The following ZFYVE28 variants were observed in gnomAD, a reference collection of about 807,000 sequenced individuals.
The protein encoded by ZFYVE28 is lateral signaling target protein 2 homolog.
Under a neutral mutation model 82.1 loss-of-function variants are expected in ZFYVE28, and 40 were observed. The ratio of observed to expected loss-of-function variants is 0.49; its 90% CI spans 0.38 to 0.63. ZFYVE28 has a LOEUF of 0.63. Ranked by LOEUF, ZFYVE28 falls within the 30% of genes least tolerant of loss-of-function variation. The pLI, the probability that ZFYVE28 is intolerant of heterozygous loss-of-function variation, is 0.00. For missense variants in ZFYVE28, 1,321 were observed against 1,242.1 expected, an observed-to-expected ratio of 1.06 and a Z score of -0.96; for synonymous variants, 612 against 546.1, an observed-to-expected ratio of 1.12 and a Z score of -1.68.
chr4:2,336,565 C>G lies in ZFYVE28; in HGVS notation c.612-771G>C, dbSNP rs991975141. Among the ~76,000 whole-genome samples, 13 of 152,040 alleles carry G rather than the reference C, an allele frequency of 8.6e-5. 1 individual carries two copies. Among genetic ancestry groups the G allele is most frequent in the African/African-American group, 2.4e-4 (10 of 41,370 alleles). On this transcript the variant is annotated intron_variant, in intron 5 of 12. Transcript: ENST00000290974. ...AGAATATTGATGGCTTCCCCCTGCC[C>G]CCCCCACTCCCTAAAAAAGAAACAC... is the stretch of plus-strand genomic sequence containing the variant.
At chr4:2,367,796 C>G (rs1234127944) in intron 1 of ZFYVE28, among the ~76,000 whole-genome samples, 1 of 152,178 alleles carries the variant, frequency 6.6e-6, no homozygotes, top group East Asian at 1.9e-4. Flanking sequence ...CCTCACCAGC[C>G]CAGGCAGGTG....
chr4:2,411,724 T>C (rs538194237), intron 1 of ZFYVE28, among the ~76,000 whole-genome samples: 3 of 152,154 alleles, frequency 2.0e-5, no homozygotes, highest in Non-Finnish European at 4.4e-5. Flanking sequence ...TGCATCAGCA[T>C]AGTTTAAACG....
chr4:2,291,071 G>A (rs1713596907), intron 8 of ZFYVE28, among the ~76,000 whole-genome samples: 1 of 152,254 alleles, frequency 6.6e-6, no homozygotes, highest in Non-Finnish European at 1.5e-5. Flanking sequence ...AGCGGGAGGA[G>A]CTCCTGTCGC....
At chr4:2,289,103 C>A (rs1418161179) in intron 8 of ZFYVE28, among the ~76,000 whole-genome samples, 1 of 152,198 alleles carries the variant, frequency 6.6e-6, no homozygotes, top group East Asian at 1.9e-4. Context: ...GCCAACATGG[C>A]AAAACCTAGT....
chr4:2,317,667 C>T (rs894350905), intron 7 of ZFYVE28, among the ~76,000 whole-genome samples: 2 of 152,080 alleles, frequency 1.3e-5, no homozygotes, highest in African/African-American at 4.8e-5. Flanking sequence ...GAGTCTTGCT[C>T]TGTCGCCCAG....
intron 1 of ZFYVE28, among the ~76,000 whole-genome samples, chr4:2,397,018 C>T (rs1730549917): frequency 6.6e-6 from 1 of 152,220 alleles, no homozygotes; most frequent in African/African-American, 2.4e-5. Flanking sequence ...AGGACTCCGG[C>T]TCAGGGGCGA....
chr4:2,337,877 T>C (rs866283713), intron 4 of ZFYVE28, among the ~76,000 whole-genome samples: 4 of 150,974 alleles, frequency 2.6e-5, no homozygotes, highest in Non-Finnish European at 5.9e-5. Flanking sequence ...TCTCTTAAAA[T>C]ACACACACAC....
intron 1 of ZFYVE28, among the ~76,000 whole-genome samples, chr4:2,382,020 T>C (rs1234123765): frequency 1.3e-5 from 2 of 152,150 alleles, no homozygotes; most frequent in Non-Finnish European, 2.9e-5. Flanking sequence ...CTTCAGAGGG[T>C]GCAAGCCCCA....
chr4:2,384,747 A>G (rs1271130310), intron 1 of ZFYVE28, among the ~76,000 whole-genome samples: 1 of 152,218 alleles, frequency 6.6e-6, no homozygotes, highest in East Asian at 1.9e-4. Context: ...TTACTTCAGA[A>G]AAATCTTTAT....
At chr4:2,311,627 C>T (rs997069047) in intron 7 of ZFYVE28, among the ~76,000 whole-genome samples, 2 of 152,062 alleles carry the variant, frequency 1.3e-5, no homozygotes, top group African/African-American at 2.4e-5. Context: ...TTCTTTTCTC[C>T]TGCTTTCTTG....
chr4:2,350,034 G>GACACAC (rs71644325), intron 2 of ZFYVE28, among the ~76,000 whole-genome samples: 26,319 of 148,702 alleles, frequency 0.18, 2,907 homozygotes, highest in East Asian at 0.41. Flanking sequence ...GTGACACACA[G>GACACAC]ACACACACAC....
At chr4:2,388,788 G>A (rs1729534079) in intron 1 of ZFYVE28, among the ~76,000 whole-genome samples, 1 of 152,206 alleles carries the variant, frequency 6.6e-6, no homozygotes, top group Non-Finnish European at 1.5e-5. Flanking sequence ...CTGAGGCAAT[G>A]AGGATGGGAG....
intron 6 of ZFYVE28, among the ~76,000 whole-genome samples, chr4:2,328,259 A>G (rs1269557594): frequency 6.6e-6 from 1 of 152,228 alleles, no homozygotes; most frequent in African/African-American, 2.4e-5. Context: ...GAAAAATTGG[A>G]TGGAATTTTA....
At chr4:2,290,857 G>T (rs1019010452) in intron 8 of ZFYVE28, among the ~76,000 whole-genome samples, 1 of 152,236 alleles carries the variant, frequency 6.6e-6, no homozygotes, top group Non-Finnish European at 1.5e-5. Context: ...GCCTGGCCAA[G>T]ATCTGGACTC....
chr4:2,377,061 A>G lies in ZFYVE28; in HGVS notation c.40-22988T>C, dbSNP rs531889547. 1.4e-3 allele frequency among the ~76,000 whole-genome samples: 203 copies of G among 149,692 alleles called. 1 individual carries two copies. The highest frequency in any genetic ancestry group is 0.012 in the Admixed American group (179 of 15,006). On this transcript the variant is annotated intron_variant, in intron 1 of 12. Transcript: ENST00000290974. ...TTCTGAGACGGAGTCTCGCTCTGTC[A>G]CCCAGGCTGGAGTGCAGTGGCGCGA...
In ZFYVE28 at chr4:2,408,352, C is replaced by G. The variant is rs1305320021; in HGVS notation, c.39+9933G>C. 6.6e-6 allele frequency among the ~76,000 whole-genome samples: 1 copy of G among 152,002 alleles called. No homozygotes were observed. The highest frequency in any genetic ancestry group is 1.5e-5 in the Non-Finnish European group (1 of 67,984). ...CGCACCGAGAAGTGGAGGTGACAGC[C>G]CCCCCCATTTAATGGGGGCTGGCCC... On this transcript the variant is annotated intron_variant, in intron 1 of 12. Coordinates refer to ENST00000290974, the MANE Select transcript of ZFYVE28 (RefSeq NM_020972.3). The surrounding 1 kb of genome is among the most constrained non-coding windows in gnomAD (Gnocchi z 4.3).
intron 1 of ZFYVE28, among the ~76,000 whole-genome samples, chr4:2,391,455 C>CTTTTT (rs140103966): frequency 1.2e-4 from 14 of 117,220 alleles, no homozygotes; most frequent in South Asian, 2.9e-4. Context: ...GGTCAATTAT[C>CTTTTT]TTTTTTTTTT....
chr4:2,361,067 T>C (rs1342179352), intron 1 of ZFYVE28, among the ~76,000 whole-genome samples: 1 of 152,194 alleles, frequency 6.6e-6, no homozygotes, highest in South Asian at 2.1e-4. Context: ...AAAGAATAAA[T>C]TAGAACCTAG....
Position 2,354,018 on chromosome 4 carries a change from T to G in ZFYVE28, c.95A>C (p.Gln32Pro). 6.3e-7 allele frequency: 1 copy of G among 1,577,892 alleles called. No homozygotes were observed. The highest frequency in any genetic ancestry group is 8.6e-7 in the Non-Finnish European group (1 of 1,162,022). The change falls in exon 2 of 13, where the codon CAG (glutamine) becomes CCG (proline). Residue 32 changes from glutamine (Q) to proline (P), a missense_variant. By Grantham distance (76) the Gln-to-Pro change is moderately conservative. Transcript: ENST00000290974. ...RFYYADEELNQVAAELDSLDG... is the reference protein window; with the variant it reads ...RFYYADEELNPVAAELDSLDG... Reference sequence around the variant, plus strand: ...CAGGCTGTCCAGCTCCGCGGCCACCTGGTTCAGCTCCTCGTCGGCATAGTA... The same window carrying G: ...CAGGCTGTCCAGCTCCGCGGCCACCGGGTTCAGCTCCTCGTCGGCATAGTA...
Sources: allele counts gnomAD v4.1 joint callset (sites outside exome capture counted in the v4.1 genomes callset), GRCh38; gene constraint gnomAD v4.1.1; non-coding constraint Gnocchi (gnomAD v3.1); transcripts MANE v1.5; gene names NCBI Gene and HGNC (gene_info 2026-07-23, HGNC 2026-07-21).